The following EXOC2 variants were observed in gnomAD, a reference collection of about 807,000 sequenced individuals.
EXOC2 encodes SEC5-like 1.
In EXOC2, 70 loss-of-function variants were observed where a neutral mutation model predicts 131.8. That is an observed-to-expected ratio of 0.53 (90% CI 0.44 to 0.65). EXOC2 has a LOEUF of 0.65. Ranked by LOEUF, EXOC2 falls within the 30% of genes least tolerant of loss-of-function variation. The pLI, the probability that EXOC2 is intolerant of heterozygous loss-of-function variation, is 0.00. For missense variants in EXOC2, 923 were observed against 1,108.6 expected (o/e 0.83, Z 2.38); for synonymous variants, 411 against 398.4 (o/e 1.03, Z -0.38).
intron 22 of EXOC2, among the ~76,000 whole-genome samples, chr6:547,623 A>C (rs1428798550): frequency 6.6e-6 from 1 of 152,240 alleles, no homozygotes; most frequent in African/African-American, 2.4e-5. Context: ...GGAATCATGA[A>C]ATTAACAGAT....
At chr6:562,550 G>A (rs1011029964) in intron 17 of EXOC2, among the ~76,000 whole-genome samples, 2 of 152,182 alleles carry the variant, frequency 1.3e-5, no homozygotes, top group South Asian at 2.1e-4. Flanking sequence ...AACAAAAATC[G>A]TAAGTTATAC....
At chr6:656,569 G>A (rs747654982) in intron 1 of EXOC2, 2 of 1,592,334 alleles carry the variant, frequency 1.3e-6, no homozygotes, top group Non-Finnish European at 1.7e-6. Context: ...ACCACGCTGC[G>A]AGCGCGGCCC....
intron 22 of EXOC2, among the ~76,000 whole-genome samples, chr6:533,181 A>G (rs978019255): frequency 2.0e-5 from 3 of 152,198 alleles, no homozygotes; most frequent in African/African-American, 7.2e-5. Context: ...ACAAATCAAG[A>G]GGAGATTTGG....
intron 1 of EXOC2, among the ~76,000 whole-genome samples, chr6:674,137 C>T (rs1054488346): frequency 6.6e-6 from 1 of 152,104 alleles, no homozygotes; most frequent in Non-Finnish European, 1.5e-5. Flanking sequence ...AGCAAAAATA[C>T]CAACTTGATC....
Position 497,508 on chromosome 6 carries a change from A to C in EXOC2, c.2437-19T>G, listed in dbSNP as rs1763809004. Reference sequence around the variant, plus strand: ...TGAACACCTGGTTTGAAATAGGAAGACATGGTGCTTTGTGGGGCTTTTTGA... The same window carrying C: ...TGAACACCTGGTTTGAAATAGGAAGCCATGGTGCTTTGTGGGGCTTTTTGA... On this transcript the variant is annotated intron_variant, in intron 24 of 27. Transcript: ENST00000230449. 1.9e-6 allele frequency: 3 copies of C among 1,602,866 alleles called. No homozygotes were observed. Among genetic ancestry groups the C allele is most frequent in the Middle Eastern group, 1.7e-4 (1 of 6,026 alleles).
chr6:539,503 A>G (rs1766678672), intron 22 of EXOC2, among the ~76,000 whole-genome samples: 1 of 152,210 alleles, frequency 6.6e-6, no homozygotes, highest in Non-Finnish European at 1.5e-5. Context: ...CACTGATGCC[A>G]GCCAGTGCTC....
chr6:568,210 GC>G (rs1758080013), intron 13 of EXOC2, among the ~76,000 whole-genome samples: 1 of 152,214 alleles, frequency 6.6e-6, no homozygotes, highest in Non-Finnish European at 1.5e-5. Context: ...GCGCATCAAT[GC>G]ACTGTGCACG....
intron 7 of EXOC2, among the ~76,000 whole-genome samples, chr6:609,335 G>A (rs1056443844): frequency 2.0e-5 from 3 of 152,318 alleles, no homozygotes; most frequent in East Asian, 1.9e-4. Context: ...TGATGAGATT[G>A]TACATTATAT....
intron 1 of EXOC2, among the ~76,000 whole-genome samples, chr6:680,055 A>T (rs895255703): frequency 6.6e-6 from 1 of 152,136 alleles, no homozygotes; most frequent in African/African-American, 2.4e-5. Context: ...GGAAATCTTA[A>T]ACATACATAA....
intron 1 of EXOC2, among the ~76,000 whole-genome samples, chr6:677,128 TCTTCAACATTACGGAAAGGACAGCTTTC>T (rs1294319831): frequency 7.8e-5 from 6 of 77,320 alleles, no homozygotes; most frequent in Admixed American, 1.6e-4. Context: ...TTTCCCATAC[TCTTCAACATTACGGAAAGGACAGCTTTC>T]TCTGGAGACT....
intron 11 of EXOC2, among the ~76,000 whole-genome samples, chr6:579,676 T>C (rs1030584335): frequency 6.6e-6 from 1 of 152,218 alleles, no homozygotes; most frequent in African/African-American, 2.4e-5. Flanking sequence ...AGTTATTTTA[T>C]AGAGAATTAG....
rs943041705 is a variant in EXOC2, at chr6:629,492, C to CA, written c.422+342dup. Among the ~76,000 whole-genome samples the CA allele has an allele frequency of 1.8e-4, 28 of 152,082 alleles. No homozygotes were observed. In the South Asian group the frequency reaches 2.1e-3, roughly 11 times the overall value. On this transcript the variant is annotated intron_variant, in intron 4 of 27. Transcript: ENST00000230449. Reference sequence around the variant, plus strand: ...TATTCTAAAATACTTCTAGAAAAATCAAAAAAACAGATTATGTATGCTATT... The same window carrying CA: ...TATTCTAAAATACTTCTAGAAAAATCAAAAAAAACAGATTATGTATGCTATT...
chr6:655,999 C>T (rs930635822), intron 1 of EXOC2: 3 of 765,156 alleles, frequency 3.9e-6, no homozygotes, highest in African/African-American at 3.5e-5. Context: ...AAAATATACG[C>T]CCTGCATAAG....
At chr6:560,101 G>T (rs1757623897) in intron 17 of EXOC2, among the ~76,000 whole-genome samples, 1 of 152,164 alleles carries the variant, frequency 6.6e-6, no homozygotes. Flanking sequence ...TAAACTTCAT[G>T]TATTATTATC....
At chr6:558,806 C>T (rs1024342632) in intron 17 of EXOC2, among the ~76,000 whole-genome samples, 2 of 151,230 alleles carry the variant, frequency 1.3e-5, no homozygotes, top group African/African-American at 4.9e-5. Context: ...GGCGAGACTC[C>T]GGCTCAAAAA....
At chr6:498,106 T>C (rs1459128467) in intron 24 of EXOC2, among the ~76,000 whole-genome samples, 1 of 152,220 alleles carries the variant, frequency 6.6e-6, no homozygotes, top group Non-Finnish European at 1.5e-5. Context: ...TGACAGTAAA[T>C]CATATTTTCT....
At chr6:692,574 G>A (rs1056483187) in intron 1 of EXOC2, among the ~76,000 whole-genome samples, 2 of 152,270 alleles carry the variant, frequency 1.3e-5, no homozygotes, top group African/African-American at 2.4e-5. Flanking sequence ...CCTTTTAAGC[G>A]CTCAGGACAG....
chr6:685,869 CT>C (rs58892194), intron 1 of EXOC2, among the ~76,000 whole-genome samples: 4,766 of 97,988 alleles, frequency 0.049, 157 homozygotes, highest in African/African-American at 0.13. Context: ...TCCTGGACCT[CT>C]TTTTTTTTTT....
chr6:537,644 A>T (rs1042032316), intron 22 of EXOC2, among the ~76,000 whole-genome samples: 1 of 152,236 alleles, frequency 6.6e-6, no homozygotes, highest in African/African-American at 2.4e-5. Flanking sequence ...AGAGACTTAC[A>T]GGAATATTCA....
Sources: gnomAD v4.1 joint callset for allele counts (sites outside exome capture counted in the v4.1 genomes callset) on GRCh38, gnomAD v4.1.1 for gene constraint, MANE v1.5 for transcripts, NCBI Gene and HGNC (gene_info 2026-07-23, HGNC 2026-07-21) for gene names.